HMCN1: variants seen among roughly 807,000 people sequenced by gnomAD.
The protein encoded by HMCN1 is hemicentin 1, also known as hemicentin-1.
Under a neutral mutation model 625.9 loss-of-function variants are expected in HMCN1, and 321 were observed. That is an observed-to-expected ratio of 0.51 (90% CI 0.47 to 0.56). The LOEUF (loss-of-function observed/expected upper bound fraction) is 0.56, where lower values mean the gene tolerates loss of function less well. HMCN1 is among the 20% of genes least tolerant of loss of function. The pLI, the probability that HMCN1 is intolerant of heterozygous loss-of-function variation, is 0.00. For synonymous variants in HMCN1, 2,425 were observed against 2,417.6 expected (o/e 1.00, Z -0.09); for missense variants, 6,588 against 6,887.3 (o/e 0.96, Z 1.54).
intron 1 of HMCN1, among the ~76,000 whole-genome samples, chr1:185,782,108 C>T (rs1360221326): frequency 6.6e-6 from 1 of 152,158 alleles, no homozygotes; most frequent in Non-Finnish European, 1.5e-5. Context: ...TAATGGCCTT[C>T]TTTGTCTCTT....
intron 1 of HMCN1, among the ~76,000 whole-genome samples, chr1:185,781,667 T>C (rs1002408780): frequency 2.0e-5 from 3 of 152,220 alleles, no homozygotes; most frequent in Non-Finnish European, 2.9e-5. Flanking sequence ...TTTGAGTGAG[T>C]TTCTTAATCC....
chr1:185,824,580 G>T (rs1008408342), intron 1 of HMCN1, among the ~76,000 whole-genome samples: 4 of 152,052 alleles, frequency 2.6e-5, no homozygotes, highest in African/African-American at 4.8e-5. Context: ...ACACTATATT[G>T]GTTGTAGGCA....
At chr1:185,752,717 G>T (rs1475311729) in intron 1 of HMCN1, among the ~76,000 whole-genome samples, 1 of 152,058 alleles carries the variant, frequency 6.6e-6, no homozygotes, top group Non-Finnish European at 1.5e-5. Flanking sequence ...TGCTTACACA[G>T]AAAACTGTAG....
intron 68 of HMCN1, among the ~76,000 whole-genome samples, chr1:186,101,265 G>A (rs929341043): frequency 1.3e-5 from 2 of 152,114 alleles, no homozygotes; most frequent in Admixed American, 1.3e-4. Flanking sequence ...GAAGTATTAG[G>A]ACTTGGTTGT....
chr1:185,885,643 GCT>G (rs1215531392), intron 4 of HMCN1, among the ~76,000 whole-genome samples: 7 of 151,576 alleles, frequency 4.6e-5, no homozygotes, highest in Admixed American at 1.3e-4. Context: ...ACTGCTTATT[GCT>G]CTGTTACTAA....
chr1:186,106,242 T>G (rs1036121890), intron 69 of HMCN1, among the ~76,000 whole-genome samples: 3 of 152,160 alleles, frequency 2.0e-5, no homozygotes, highest in Non-Finnish European at 2.9e-5. Context: ...CGATCATGGG[T>G]TGTGTCTACA....
At chr1:186,089,970 T>C (rs980098141) in intron 63 of HMCN1, among the ~76,000 whole-genome samples, 9 of 151,948 alleles carry the variant, frequency 5.9e-5, no homozygotes, top group Non-Finnish European at 8.8e-5. Context: ...CCAGTCTCCA[T>C]GGTGTAAATA....
Position 186,112,837 on chromosome 1 carries a change from C to G in HMCN1, c.11015C>G (p.Ser3672Cys). The G allele has an allele frequency of 1.2e-6, 2 of 1,614,162 alleles. No homozygotes were observed. The highest frequency in any genetic ancestry group is 1.7e-6 in the Non-Finnish European group (2 of 1,180,006). The change falls in exon 72 of 107, where the codon TCT becomes TGT. Residue 3672 changes from serine (S) to cysteine (C), a missense_variant. Physicochemically the swap from Ser to Cys is moderately radical, Grantham distance 112. Coordinates refer to ENST00000271588, the MANE Select transcript of HMCN1 (RefSeq NM_031935.3). ...GCAACACCTCGAGTGCGAATCCTAT[C>G]TGGAGGGAGATACTTGCAAATCAAC... ...LQATPRVRIL[S>C]GGRYLQINNA...
intron 57 of HMCN1, among the ~76,000 whole-genome samples, chr1:186,083,325 T>C (rs746497350): frequency 1.3e-5 from 2 of 152,018 alleles, no homozygotes; most frequent in Non-Finnish European, 2.9e-5. Flanking sequence ...TTGGTTTCTG[T>C]CCTTAAGTGC....
At chr1:186,042,646 T>C (rs746834642) in intron 40 of HMCN1, among the ~76,000 whole-genome samples, 1 of 152,186 alleles carries the variant, frequency 6.6e-6, no homozygotes, top group Non-Finnish European at 1.5e-5. Flanking sequence ...CTGATATATA[T>C]GTTTTTGAAT....
At chr1:185,811,436 T>G (rs1161339009) in intron 1 of HMCN1, among the ~76,000 whole-genome samples, 1 of 151,212 alleles carries the variant, frequency 6.6e-6, no homozygotes, top group Non-Finnish European at 1.5e-5. Context: ...AAAAAAAAAA[T>G]GAATTTTAAA....
At chr1:185,773,865 T>C (rs547313608) in intron 1 of HMCN1, among the ~76,000 whole-genome samples, 2 of 152,252 alleles carry the variant, frequency 1.3e-5, no homozygotes, top group South Asian at 2.1e-4. Context: ...AGTTATGGAA[T>C]TGGCGATCTA....
At chr1:185,852,140 G>T (rs1294301680) in intron 2 of HMCN1, among the ~76,000 whole-genome samples, 1 of 151,934 alleles carries the variant, frequency 6.6e-6, no homozygotes, top group African/African-American at 2.4e-5. Context: ...ACAGTTGATA[G>T]AATTAACTGT....
intron 93 of HMCN1, 148 bp from the exon 94 acceptor site, chr1:186,151,052 T>C (rs1650630961): frequency 2.8e-6 from 2 of 721,320 alleles, no homozygotes; most frequent in Admixed American, 2.5e-5. Flanking sequence ...AAAGCTTATT[T>C]ATTTCACTAT....
chr1:185,793,890 C>T (rs76434544), intron 1 of HMCN1, among the ~76,000 whole-genome samples: 7,626 of 152,120 alleles, frequency 0.05, 593 homozygotes, highest in African/African-American at 0.17. Context: ...ACCTAAAAAA[C>T]GACTCACAGT....
chr1:185,763,946 T>G lies in HMCN1; in HGVS notation c.268+28899T>G, dbSNP rs2102128914. ...TGTGTATATAATTGATTGTGCAAGT[T>G]TTTTGTTCAGGTCAAAAAGAGAAAA... On this transcript the variant is annotated intron_variant, in intron 1 of 106. Transcript: ENST00000271588. Among the ~76,000 whole-genome samples the G allele has an allele frequency of 2.0e-5, 3 of 152,294 alleles. No homozygotes were observed. The East Asian group carries it at 5.8e-4, about 29-fold the overall frequency.
chr1:186,125,293 G>A (rs1192742559), intron 81 of HMCN1, among the ~76,000 whole-genome samples: 1 of 151,996 alleles, frequency 6.6e-6, no homozygotes, highest in African/African-American at 2.4e-5. Flanking sequence ...GCAGTAAACA[G>A]AAGTAACTTA....
chr1:186,141,571 C>T (rs1183096376), intron 89 of HMCN1, among the ~76,000 whole-genome samples: 1 of 152,100 alleles, frequency 6.6e-6, no homozygotes, highest in Non-Finnish European at 1.5e-5. Context: ...CATTAAAATA[C>T]ATATATAGCT....
intron 7 of HMCN1, 65 bp from the exon 8 acceptor site, chr1:185,923,325 C>A: frequency 2.4e-6 from 3 of 1,228,948 alleles, no homozygotes; most frequent in South Asian, 1.2e-5. Flanking sequence ...CATGCAAATA[C>A]TTATTTGATA....
Sources: gnomAD v4.1 joint callset for allele counts (sites outside exome capture counted in the v4.1 genomes callset) on GRCh38, gnomAD v4.1.1 for gene constraint, MANE v1.5 for transcripts, NCBI Gene and HGNC (gene_info 2026-07-23, HGNC 2026-07-21) for gene names.